The following ACOT7 variants were observed in gnomAD, a reference collection of about 807,000 sequenced individuals.
ACOT7 encodes cytosolic acyl coenzyme A thioester hydrolase.
Under a neutral mutation model 40.2 loss-of-function variants are expected in ACOT7, and 12 were observed. That is an observed-to-expected ratio of 0.30 (90% CI 0.19 to 0.48). The LOEUF (loss-of-function observed/expected upper bound fraction) is 0.48, where lower values mean the gene tolerates loss of function less well. ACOT7 is among the 20% of genes least tolerant of loss of function. The probability of loss-of-function intolerance (pLI) is 0.99; values close to 1 mark genes in which losing one functional copy is unlikely to be tolerated. For missense variants in ACOT7, 395 were observed against 530.8 expected (o/e 0.74, Z 2.51); for synonymous variants, 228 against 219.5 (o/e 1.04, Z -0.34).
chr1:6,337,290 C>G (rs561914223), intron 3 of ACOT7, among the ~76,000 whole-genome samples: 4 of 152,318 alleles, frequency 2.6e-5, no homozygotes, highest in African/African-American at 7.2e-5. Context: ...GGGGGCTGCT[C>G]TCTCATGCTC....
At position 6,337,373 on chromosome 1, in the gene ACOT7, T is replaced by C. The variant is rs551488483; in HGVS notation, c.418+2060A>G. On this transcript the variant is annotated intron_variant, in intron 3 of 8. Coordinates refer to ENST00000361521, the MANE Select transcript of ACOT7 (RefSeq NM_007274.4). ...AAAGAGCGAGGGATCCTCACGAATA[T>C]GTCAGATTGTGTCGTCCTCATCAAA... Among the ~76,000 whole-genome samples the C allele has an allele frequency of 1.2e-4, 19 of 152,344 alleles. No homozygotes were observed. The South Asian group carries it at 2.5e-3, about 20-fold the overall frequency.
At chr1:6,346,752 G>A (rs868736136) in intron 2 of ACOT7, among the ~76,000 whole-genome samples, 2 of 152,194 alleles carry the variant, frequency 1.3e-5, no homozygotes, top group Non-Finnish European at 1.5e-5. Context: ...TCGGGTGATC[G>A]GAAGAGCAGC....
chr1:6,390,752 A>G (rs1368214689), intron 1 of ACOT7, among the ~76,000 whole-genome samples: 1 of 151,664 alleles, frequency 6.6e-6, no homozygotes, highest in Non-Finnish European at 1.5e-5. Flanking sequence ...CCTGGCCAAC[A>G]TGGTGAAACC....
chr1:6,320,819 C>T (rs763880541), intron 5 of ACOT7, among the ~76,000 whole-genome samples: 1 of 152,252 alleles, frequency 6.6e-6, no homozygotes, highest in Non-Finnish European at 1.5e-5. Context: ...AAACCCTATC[C>T]GGCCTCTGCG....
chr1:6,346,602 C>T (rs559044307), intron 2 of ACOT7, among the ~76,000 whole-genome samples: 92 of 152,326 alleles, frequency 6.0e-4, no homozygotes, highest in African/African-American at 2.0e-3. Flanking sequence ...TGGCTTTGGG[C>T]GAAACAGGAG....
chr1:6,384,677 T>TTCTGGA (rs888967048), intron 1 of ACOT7, among the ~76,000 whole-genome samples: 2 of 151,686 alleles, frequency 1.3e-5, no homozygotes, highest in Non-Finnish European at 2.9e-5. Context: ...AATCCTCCCT[T>TTCTGGA]GGCCTTTCTG....
In ACOT7 at chr1:6,289,194, G is replaced by A. The variant is rs993222849; in HGVS notation, c.829+5670C>T. 1.3e-5 allele frequency among the ~76,000 whole-genome samples: 2 copies of A among 152,124 alleles called. 1 individual carries two copies. The highest frequency in any genetic ancestry group is 4.1e-4 in the South Asian group (2 of 4,824). Reference sequence around the variant, plus strand: ...GGCTCACTGCAACATCTGCCTCTCAGGTTCAAGCGATTCTCCTACCTCAGC... The same window carrying A: ...GGCTCACTGCAACATCTGCCTCTCAAGTTCAAGCGATTCTCCTACCTCAGC... On this transcript the variant is annotated intron_variant, in intron 7 of 8. Transcript: ENST00000361521. This position sits in a 1 kb window ranked among gnomAD's most constrained non-coding sequence, Gnocchi z 4.6.
intron 1 of ACOT7, among the ~76,000 whole-genome samples, chr1:6,387,067 C>T (rs535692015): frequency 1.1e-3 from 171 of 152,220 alleles, no homozygotes; most frequent in African/African-American, 4.0e-3. Flanking sequence ...TACAGGGCTA[C>T]GGGGACACAG....
chr1:6,329,078 C>T (rs1312003870), intron 4 of ACOT7, among the ~76,000 whole-genome samples: 1 of 152,274 alleles, frequency 6.6e-6, no homozygotes, highest in Non-Finnish European at 1.5e-5. Flanking sequence ...CCCTCGGCCG[C>T]CTGTTGAAGC....
Position 6,374,016 on chromosome 1 carries a change from A to G in ACOT7, c.143+19241T>C, listed in dbSNP as rs531635682. 1.2e-4 allele frequency among the ~76,000 whole-genome samples: 19 copies of G among 152,210 alleles called. No individual in the cohort carries two copies. In the East Asian group the frequency reaches 2.9e-3, roughly 23 times the overall value. On this transcript the variant is annotated intron_variant, in intron 1 of 8. Transcript: ENST00000361521. ...CTCTGTTTAAATAAGTATCTCTTTC[A>G]CCTCCCACCTCTGCCTTTTAGAGAA...
chr1:6,374,102 G>C (rs1430509536), intron 1 of ACOT7, among the ~76,000 whole-genome samples: 1 of 152,230 alleles, frequency 6.6e-6, no homozygotes, highest in Non-Finnish European at 1.5e-5. Flanking sequence ...CTCTGGGCAA[G>C]TTTCCTGGAA....
chr1:6,323,733 AAAAAATATATATAT>A (rs1337077036), intron 5 of ACOT7, among the ~76,000 whole-genome samples: 147 of 76,854 alleles, frequency 1.9e-3, no homozygotes, highest in African/African-American at 6.0e-3. Context: ...AAAAAAAAAA[AAAAAATATATATAT>A]ATATATATAT....
intron 1 of ACOT7, among the ~76,000 whole-genome samples, chr1:6,390,147 C>A (rs1200209534): frequency 6.6e-6 from 1 of 152,176 alleles, no homozygotes; most frequent in Non-Finnish European, 1.5e-5. Flanking sequence ...CACAGGCCTA[C>A]CCCTACCACC....
At chr1:6,362,125 T>C (rs746631814) in intron 1 of ACOT7, among the ~76,000 whole-genome samples, 5 of 152,128 alleles carry the variant, frequency 3.3e-5, no homozygotes, top group Non-Finnish European at 7.4e-5. Context: ...CAAAGGCATC[T>C]GGAAGCTAAA....
chr1:6,340,530 G>C (rs1274744988), intron 2 of ACOT7, among the ~76,000 whole-genome samples: 1 of 152,192 alleles, frequency 6.6e-6, no homozygotes, highest in African/African-American at 2.4e-5. Flanking sequence ...AGATAACCAT[G>C]GTTACTATTT....
At chr1:6,390,011 G>T (rs1046603055) in intron 1 of ACOT7, among the ~76,000 whole-genome samples, 1 of 152,190 alleles carries the variant, frequency 6.6e-6, no homozygotes, top group Admixed American at 6.5e-5. Flanking sequence ...GCTAGGCCAG[G>T]AGGCTCCTCT....
intron 5 of ACOT7, among the ~76,000 whole-genome samples, chr1:6,324,197 T>C (rs1157929959): frequency 6.6e-6 from 1 of 152,044 alleles, no homozygotes; most frequent in Admixed American, 6.6e-5. Flanking sequence ...GCCACTGAGA[T>C]ACCGGCTCTA....
chr1:6,381,521 AAACAG>A (rs2148480238), intron 1 of ACOT7, among the ~76,000 whole-genome samples: 1 of 151,858 alleles, frequency 6.6e-6, no homozygotes, highest in East Asian at 1.9e-4. Flanking sequence ...TATCAAAAAA[AAACAG>A]AAAATAACAA....
intron 1 of ACOT7, among the ~76,000 whole-genome samples, chr1:6,391,332 C>G (rs2148486094): frequency 6.6e-6 from 1 of 152,164 alleles, no homozygotes; most frequent in Non-Finnish European, 1.5e-5. Context: ...ATGGAGAAAC[C>G]CCATCTCTAC....
Sources: allele counts gnomAD v4.1 joint callset (sites outside exome capture counted in the v4.1 genomes callset), GRCh38; gene constraint gnomAD v4.1.1; non-coding constraint Gnocchi (gnomAD v3.1); transcripts MANE v1.5; gene names NCBI Gene and HGNC (gene_info 2026-07-23, HGNC 2026-07-21).